WDR70: variants seen among roughly 807,000 people sequenced by gnomAD.
The protein encoded by WDR70 is WD repeat-containing protein 70.
WDR70 carries 53 observed loss-of-function variants against 88.6 expected under a neutral mutation model. The observed-to-expected ratio is 0.60, with a 90% confidence interval of 0.48 to 0.75. WDR70 has a LOEUF of 0.75. WDR70 is among the 30% of genes least tolerant of loss of function. The pLI is 0.00. For missense variants in WDR70, 610 were observed against 823.2 expected (o/e 0.74, Z 3.17); for synonymous variants, 280 against 270.0 (o/e 1.04, Z -0.36).
intron 8 of WDR70, among the ~76,000 whole-genome samples, chr5:37,481,266 C>G (rs867410896): frequency 9.8e-5 from 15 of 152,300 alleles, no homozygotes; most frequent in African/African-American, 2.4e-4. Context: ...AGTGGGGACT[C>G]TGTGTGGGGG....
At chr5:37,642,185 T>G (rs1341670301) in intron 10 of WDR70, among the ~76,000 whole-genome samples, 2 of 152,146 alleles carry the variant, frequency 1.3e-5, no homozygotes, top group Non-Finnish European at 2.9e-5. Context: ...CTTAGCCCTC[T>G]GATACCATCC....
intron 5 of WDR70, among the ~76,000 whole-genome samples, chr5:37,430,977 C>G (rs1750285705): frequency 6.6e-6 from 1 of 152,144 alleles, no homozygotes; most frequent in African/African-American, 2.4e-5. Context: ...CCTCAACCTC[C>G]TGGGTAGCTG....
At chr5:37,642,150 A>G (rs1366717232) in intron 10 of WDR70, among the ~76,000 whole-genome samples, 3 of 152,078 alleles carry the variant, frequency 2.0e-5, no homozygotes, top group East Asian at 1.9e-4. Context: ...CTAACTGGTG[A>G]TGATTCATTT....
At chr5:37,467,534 A>AT (rs35972019) in intron 7 of WDR70, among the ~76,000 whole-genome samples, 1,658 of 124,540 alleles carry the variant, frequency 0.013, 35 homozygotes, top group African/African-American at 0.037. Context: ...TATCATATGA[A>AT]TTTTTTTTTT....
At chr5:37,678,372 G>A (rs1181206988) in intron 10 of WDR70, among the ~76,000 whole-genome samples, 3 of 152,196 alleles carry the variant, frequency 2.0e-5, no homozygotes, top group Non-Finnish European at 4.4e-5. Flanking sequence ...GCTGGTACCA[G>A]TTGTTCTTTT....
At chr5:37,672,543 G>A (rs1746058537) in intron 10 of WDR70, among the ~76,000 whole-genome samples, 1 of 152,156 alleles carries the variant, frequency 6.6e-6, no homozygotes, top group South Asian at 2.1e-4. Flanking sequence ...TTTGGGTGGA[G>A]AGAAACATAA....
chr5:37,649,253 T>G (rs1745324606), intron 10 of WDR70, among the ~76,000 whole-genome samples: 1 of 151,952 alleles, frequency 6.6e-6, no homozygotes, highest in South Asian at 2.1e-4. Context: ...ACCATTCAGC[T>G]GCATCTAGAC....
intron 5 of WDR70, among the ~76,000 whole-genome samples, chr5:37,428,489 G>A (rs62360226): frequency 0.48 from 73,328 of 152,004 alleles, 20,016 homozygotes; most frequent in Non-Finnish European, 0.61. Flanking sequence ...GGTTAATTTA[G>A]CCCATTCTAG....
chr5:37,622,060 C>G (rs986336507), intron 10 of WDR70, among the ~76,000 whole-genome samples: 7 of 151,996 alleles, frequency 4.6e-5, no homozygotes, highest in East Asian at 1.9e-4. Flanking sequence ...ATTATTTCTG[C>G]GGGCTCTGTT....
intron 10 of WDR70, among the ~76,000 whole-genome samples, chr5:37,631,496 A>G (rs1051042588): frequency 2.0e-5 from 3 of 152,206 alleles, no homozygotes; most frequent in African/African-American, 7.2e-5. Flanking sequence ...CCCACTGTGT[A>G]CCAGGAATTG....
intron 10 of WDR70, among the ~76,000 whole-genome samples, chr5:37,650,578 T>C: frequency 6.6e-6 from 1 of 152,108 alleles, no homozygotes; most frequent in East Asian, 1.9e-4. Flanking sequence ...TGCGTTTAGC[T>C]CTAGGAATAT....
Position 37,396,394 on chromosome 5 carries a change from A to C in WDR70, c.316A>C (p.Ser106Arg), listed in dbSNP as rs760209253. ...SSSRDTSSSESEQSSDSSDDE... is the reference protein window; with the variant it reads ...SSSRDTSSSEREQSSDSSDDE... Reference sequence around the variant, plus strand: ...TTTCAGGGATACGAGCAGCAGTGAAAGTGAACAGAGTTCTGACTCTTCTGA... The same window carrying C: ...TTTCAGGGATACGAGCAGCAGTGAACGTGAACAGAGTTCTGACTCTTCTGA... The change falls in exon 5 of 18, where the codon AGT becomes CGT. Residue 106 changes from serine (S) to arginine (R), a missense_variant. Physicochemically the swap from Ser to Arg is moderately radical, Grantham distance 110 (BLOSUM62 -1). Coordinates refer to ENST00000265107, the MANE Select transcript of WDR70 (RefSeq NM_018034.4). The C allele has an allele frequency of 8.1e-6, 13 of 1,611,412 alleles. No homozygotes were observed. Among genetic ancestry groups the C allele is most frequent in the Non-Finnish European group, 1.1e-5 (13 of 1,179,012 alleles).
chr5:37,614,241 A>C (rs1744268574), intron 10 of WDR70, among the ~76,000 whole-genome samples: 1 of 152,086 alleles, frequency 6.6e-6, no homozygotes. Context: ...TTCCTTCATC[A>C]TCAAGGCCAG....
chr5:37,514,612 C>T (rs578117093), intron 8 of WDR70, among the ~76,000 whole-genome samples: 1 of 151,834 alleles, frequency 6.6e-6, no homozygotes, highest in Admixed American at 6.6e-5. Context: ...GTGTTCTTAT[C>T]GTTCAGCTCC....
At chr5:37,678,102 T>C (rs1581488280) in intron 10 of WDR70, among the ~76,000 whole-genome samples, 1 of 152,150 alleles carries the variant, frequency 6.6e-6, no homozygotes, top group Non-Finnish European at 1.5e-5. Context: ...TCCTCCATCC[T>C]TTTATTTTGA....
At chr5:37,483,764 G>A (rs1468429921) in intron 8 of WDR70, among the ~76,000 whole-genome samples, 6 of 150,228 alleles carry the variant, frequency 4.0e-5, no homozygotes, top group African/African-American at 9.8e-5. Flanking sequence ...GCGGCTGGCC[G>A]GGCGGGGGCT....
chr5:37,487,600 A>AAT (rs70978824), intron 8 of WDR70, among the ~76,000 whole-genome samples: 79 of 84,748 alleles, frequency 9.3e-4, no homozygotes, highest in African/African-American at 2.7e-3. Flanking sequence ...TGTATATATA[A>AAT]ATATATATAT....
chr5:37,703,971 G>A (rs565198085), intron 13 of WDR70, among the ~76,000 whole-genome samples: 9 of 152,182 alleles, frequency 5.9e-5, no homozygotes, highest in East Asian at 5.8e-4. Context: ...ATGCACTTAC[G>A]TGACTCAGAC....
At chr5:37,616,061 A>T (rs1744331201) in intron 10 of WDR70, among the ~76,000 whole-genome samples, 2 of 152,142 alleles carry the variant, frequency 1.3e-5, no homozygotes, top group Admixed American at 1.3e-4. Context: ...TGACACTTCC[A>T]GTCTTTCGGT....
Sources: allele counts gnomAD v4.1 joint callset (sites outside exome capture counted in the v4.1 genomes callset), GRCh38; gene constraint gnomAD v4.1.1; transcripts MANE v1.5; gene names NCBI Gene and HGNC (gene_info 2026-07-23, HGNC 2026-07-21).